SCFD2: variants seen among roughly 807,000 people sequenced by gnomAD.
SCFD2 encodes the protein sec1 family domain containing 2.
Under a neutral mutation model 58.9 loss-of-function variants are expected in SCFD2, and 54 were observed. The ratio of observed to expected loss-of-function variants is 0.92; its 90% CI spans 0.74 to 1.15. SCFD2 has a LOEUF of 1.15. SCFD2 is among the 50% of genes most tolerant of loss of function. SCFD2 has a pLI of 0.00. For missense variants in SCFD2, 805 were observed against 836.6 expected, an observed-to-expected ratio of 0.96 and a Z score of 0.47; for synonymous variants, 321 against 335.9, an observed-to-expected ratio of 0.96 and a Z score of 0.49.
intron 6 of SCFD2, among the ~76,000 whole-genome samples, chr4:52,910,381 T>C (rs908128024): frequency 6.6e-6 from 1 of 151,952 alleles, no homozygotes; most frequent in Non-Finnish European, 1.5e-5. Context: ...TGATGACTTA[T>C]AGAGCCACTA....
intron 7 of SCFD2, among the ~76,000 whole-genome samples, chr4:52,900,610 T>C (rs890500799): frequency 1.3e-5 from 2 of 152,212 alleles, no homozygotes; most frequent in African/African-American, 4.8e-5. Flanking sequence ...GAGGAGGCAT[T>C]CTGCCGGTTC....
chr4:52,998,771 A>G (rs1721800177), intron 5 of SCFD2, among the ~76,000 whole-genome samples: 1 of 152,214 alleles, frequency 6.6e-6, no homozygotes, highest in Admixed American at 6.5e-5. Context: ...ATGCTTCAAA[A>G]TACTAAAGGA....
intron 6 of SCFD2, among the ~76,000 whole-genome samples, chr4:52,913,991 C>T (rs1719547016): frequency 6.6e-6 from 1 of 152,242 alleles, no homozygotes; most frequent in Non-Finnish European, 1.5e-5. Context: ...CATAGACACA[C>T]TGTTAAGTTT....
chr4:53,345,306 C>G (rs551047782), intron 2 of SCFD2, among the ~76,000 whole-genome samples: 1 of 152,250 alleles, frequency 6.6e-6, no homozygotes, highest in South Asian at 2.1e-4. Flanking sequence ...AGACACTTCA[C>G]AAAAGAGGAC....
intron 4 of SCFD2, among the ~76,000 whole-genome samples, chr4:53,252,909 G>A (rs1227616237): frequency 1.3e-5 from 2 of 152,112 alleles, no homozygotes; most frequent in South Asian, 2.1e-4. Context: ...AAACTAAAGC[G>A]CTTCTGCACA....
At chr4:53,131,589 T>C (rs1426879850) in intron 5 of SCFD2, among the ~76,000 whole-genome samples, 1 of 152,160 alleles carries the variant, frequency 6.6e-6, no homozygotes, top group East Asian at 1.9e-4. Context: ...GCTAGAACCA[T>C]AGAATGGCAG....
rs774188396 is a variant in SCFD2, at chr4:53,365,827, C to T, written c.115G>A (p.Gly39Ser). Residue 39 changes from glycine to serine, a missense_variant, in exon 1 of 9, where the codon GGC becomes AGC. Physicochemically the swap from Gly to Ser is moderately conservative, Grantham distance 56. Transcript: ENST00000401642. The surrounding 1 kb of genome is among the most constrained non-coding windows in gnomAD (Gnocchi z 4.3). ...DAACAESLHW[G>S]CGSTRLLEAV... ...TCCAGGAGACGGGTGGATCCGCAGC[C>T]CCAGTGCAGGCTCTCGGCGCAGGCG... The T allele has an allele frequency of 5.6e-6, 9 of 1,613,828 alleles. No individual in the cohort carries two copies. The highest frequency in any genetic ancestry group is 1.1e-5 in the South Asian group (1 of 91,062).
chr4:52,883,209 T>C (rs115409814), intron 8 of SCFD2, among the ~76,000 whole-genome samples: 2,752 of 152,292 alleles, frequency 0.018, 29 homozygotes, highest in Non-Finnish European at 0.028. Context: ...AAGCTGGTCA[T>C]GTCTCAGATC....
intron 5 of SCFD2, among the ~76,000 whole-genome samples, chr4:53,110,685 C>A (rs1321447066): frequency 2.0e-5 from 3 of 152,148 alleles, no homozygotes; most frequent in Non-Finnish European, 2.9e-5. Flanking sequence ...AGTCAGGAAA[C>A]AACAGACGCT....
chr4:53,153,893 C>A (rs1376997198), intron 4 of SCFD2, among the ~76,000 whole-genome samples: 1 of 152,194 alleles, frequency 6.6e-6, no homozygotes, highest in Non-Finnish European at 1.5e-5. Context: ...AGTCATCTTG[C>A]ATAACATGAG....
chr4:53,117,477 C>A (rs914841861), intron 5 of SCFD2, among the ~76,000 whole-genome samples: 1 of 152,138 alleles, frequency 6.6e-6, no homozygotes, highest in Non-Finnish European at 1.5e-5. Context: ...GTGATCAACA[C>A]TATCTACCTC....
At chr4:53,202,703 G>A (rs925527495) in intron 4 of SCFD2, among the ~76,000 whole-genome samples, 1 of 151,988 alleles carries the variant, frequency 6.6e-6, no homozygotes, top group African/African-American at 2.4e-5. Context: ...TTATTTCATT[G>A]AGCAGTGGTT....
chr4:53,309,338 G>C (rs980446360), intron 3 of SCFD2, among the ~76,000 whole-genome samples: 5 of 152,182 alleles, frequency 3.3e-5, no homozygotes, highest in African/African-American at 1.2e-4. Flanking sequence ...ATTTAATTAG[G>C]AAAAGAGAGA....
chr4:53,282,642 T>G (rs1731540730), intron 3 of SCFD2, among the ~76,000 whole-genome samples: 1 of 152,142 alleles, frequency 6.6e-6, no homozygotes. Flanking sequence ...AAAAAGATTT[T>G]ATGTATCTAT....
chr4:52,944,191 G>A (rs1720362297), intron 5 of SCFD2, among the ~76,000 whole-genome samples: 1 of 152,074 alleles, frequency 6.6e-6, no homozygotes, highest in South Asian at 2.1e-4. Flanking sequence ...TTATGTCATT[G>A]TGGACTAAGA....
At chr4:53,031,307 C>A (rs1722610176) in intron 5 of SCFD2, among the ~76,000 whole-genome samples, 1 of 152,154 alleles carries the variant, frequency 6.6e-6, no homozygotes, top group African/African-American at 2.4e-5. Context: ...GGGGAGAAAC[C>A]AGTGCAAAAA....
intron 5 of SCFD2, among the ~76,000 whole-genome samples, chr4:53,100,887 C>T (rs997514759): frequency 1.3e-5 from 2 of 152,100 alleles, no homozygotes; most frequent in African/African-American, 4.8e-5. Context: ...CATGACTATG[C>T]AAATACTCAG....
At chr4:53,161,597 G>A (rs1031289242) in intron 4 of SCFD2, among the ~76,000 whole-genome samples, 2 of 152,062 alleles carry the variant, frequency 1.3e-5, no homozygotes, top group African/African-American at 2.4e-5. Flanking sequence ...CCCATCTCTC[G>A]GGAAATGATG....
At chr4:53,280,502 G>A (rs1243100614) in intron 3 of SCFD2, among the ~76,000 whole-genome samples, 2 of 151,616 alleles carry the variant, frequency 1.3e-5, no homozygotes, top group Non-Finnish European at 2.9e-5. Context: ...GGCGACAGAG[G>A]GAAACTCTGT....
Sources: allele counts gnomAD v4.1 joint callset (sites outside exome capture counted in the v4.1 genomes callset), GRCh38; gene constraint gnomAD v4.1.1; non-coding constraint Gnocchi (gnomAD v3.1); transcripts MANE v1.5; gene names NCBI Gene and HGNC (gene_info 2026-07-23, HGNC 2026-07-21).